The following TTC21B variants were observed in gnomAD, a reference collection of about 807,000 sequenced individuals.
TTC21B encodes the protein tetratricopeptide repeat domain 21B.
A neutral mutation model predicts 175.1 loss-of-function variants in TTC21B; 127 were observed. The observed-to-expected ratio is 0.73, with a 90% CI of 0.63 to 0.84. The LOEUF (loss-of-function observed/expected upper bound fraction) is 0.84. TTC21B is among the 40% of genes least tolerant of loss of function. The probability of loss-of-function intolerance (pLI) is 0.00; values close to 1 mark genes in which losing one functional copy is unlikely to be tolerated. For synonymous variants in TTC21B, 524 were observed against 524.5 expected, an observed-to-expected ratio of 1.00 and a Z score of 0.01; for missense variants, 1,561 against 1,558.3, an observed-to-expected ratio of 1.00 and a Z score of -0.03.
At chr2:165,943,680 T>C (rs947702051) in intron 4 of TTC21B, among the ~76,000 whole-genome samples, 9 of 152,186 alleles carry the variant, frequency 5.9e-5, no homozygotes, top group East Asian at 1.9e-4. Flanking sequence ...ATTCAATATA[T>C]AGATGAGAAT....
At chr2:165,880,328 T>A (rs1185512576) in intron 27 of TTC21B, among the ~76,000 whole-genome samples, 1 of 152,202 alleles carries the variant, frequency 6.6e-6, no homozygotes, top group East Asian at 1.9e-4. Context: ...AAGAAACCTG[T>A]GTAATTCAAT....
chr2:165,916,100 T>C (rs145363131), intron 14 of TTC21B, among the ~76,000 whole-genome samples: 124 of 152,242 alleles, frequency 8.1e-4, no homozygotes, highest in South Asian at 2.7e-3. Context: ...CTGCATAACA[T>C]AGGGAGACCC....
intron 21 of TTC21B, 139 bp from the exon 22 acceptor site, chr2:165,898,906 AG>A (rs1347963077): frequency 1.5e-6 from 1 of 682,060 alleles, no homozygotes; most frequent in Non-Finnish European, 2.7e-6. Flanking sequence ...GAGGCATTTA[AG>A]ATTCAAGCCC....
At position 165,929,124 on chromosome 2, in the gene TTC21B, T is replaced by C. The variant is rs1686787119; in HGVS notation, c.1386+11A>G. The C allele has an allele frequency of 1.9e-6, 3 of 1,609,972 alleles. No homozygotes were observed. The highest frequency in any genetic ancestry group is 2.5e-6 in the Non-Finnish European group (3 of 1,176,732). On this transcript the variant is annotated intron_variant, in intron 11 of 28. Transcript: ENST00000243344. Reference sequence around the variant, plus strand: ...AACGCATCCTTGAAAGTAAGTCCCATAATTACTTACCTGCATTGGACAGAA... The same window carrying C: ...AACGCATCCTTGAAAGTAAGTCCCACAATTACTTACCTGCATTGGACAGAA...
At chr2:165,903,850 C>T (rs1685644642) in intron 19 of TTC21B, among the ~76,000 whole-genome samples, 1 of 152,174 alleles carries the variant, frequency 6.6e-6, no homozygotes, top group African/African-American at 2.4e-5. Context: ...AAAACTTTGA[C>T]TCCACTTATA....
At chr2:165,917,230 G>C (rs777053439) in intron 14 of TTC21B, 27 bp downstream of exon 14, 1 of 1,587,762 alleles carries the variant, frequency 6.3e-7, no homozygotes, top group South Asian at 1.1e-5. Flanking sequence ...GTTCACATCC[G>C]AGCCCTTAAA....
At position 165,874,646 on chromosome 2, in the gene TTC21B, T is replaced by A. The variant is rs1233345991; in HGVS notation, c.*109A>T. On this transcript the variant is annotated 3_prime_UTR_variant, in exon 29 of 29. Coordinates refer to ENST00000243344, the MANE Select transcript of TTC21B (RefSeq NM_024753.5). ...GCAACCTCTGCTGGAGAAAAAAGGGTATACTTCTAATAACAAAGCACTGAG... is the reference window on the plus strand; with the variant it reads ...GCAACCTCTGCTGGAGAAAAAAGGGAATACTTCTAATAACAAAGCACTGAG... 4.2e-6 allele frequency: 4 copies of A among 950,038 alleles called. No individual in the cohort carries two copies. Among genetic ancestry groups the A allele is most frequent in the African/African-American group, 3.3e-5 (2 of 61,310 alleles). 58.9% of individuals were successfully genotyped at this position (950,038 alleles called of 1,614,324 possible). A position where few individuals can be genotyped will look rare whatever the true frequency, so the allele number is the denominator to read the frequency against.
At chr2:165,926,693 G>C (rs1686642272) in intron 11 of TTC21B, among the ~76,000 whole-genome samples, 1 of 152,038 alleles carries the variant, frequency 6.6e-6, no homozygotes, top group Non-Finnish European at 1.5e-5. Context: ...GAGAAAGGCA[G>C]ACCCACCCTT....
intron 23 of TTC21B, 62 bp from the exon 24 acceptor site, chr2:165,890,702 T>C: frequency 6.4e-7 from 1 of 1,570,852 alleles, no homozygotes; most frequent in Non-Finnish European, 8.7e-7. Flanking sequence ...TATATTAGTT[T>C]ATAATCTGTC....
At chr2:165,915,156 G>T in intron 15 of TTC21B, 45 bp downstream of exon 15, 3 of 1,503,786 alleles carry the variant, frequency 2.0e-6, no homozygotes, top group South Asian at 1.1e-5. Context: ...ATTAATACTA[G>T]TGGCTAAATG....
rs780273727 is a variant in TTC21B, at chr2:165,890,886, C to T, written c.3053G>A (p.Arg1018Lys). The change falls in exon 23 of 29, where the codon AGA (arginine) becomes AAA (lysine). Residue 1018 changes from arginine (R) to lysine (K), a missense_variant. By Grantham distance (26) the Arg-to-Lys change is conservative (BLOSUM62 2). Coordinates refer to ENST00000243344, the MANE Select transcript of TTC21B (RefSeq NM_024753.5). ...CTGAAATCCTGGTTCCAATTTTGCT[C>T]TGGAGTTACGTTTCTCAGCCATTGA... is the stretch of plus-strand genomic sequence containing the variant. ...FFSMAEKRNS[R>K]AKLEPGFQYC... 6.2e-6 allele frequency: 10 copies of T among 1,613,226 alleles called. No homozygotes were observed. Among genetic ancestry groups the T allele is most frequent in the Non-Finnish European group, 8.5e-6 (10 of 1,179,628 alleles).
chr2:165,880,085 G>C (rs142864574), intron 27 of TTC21B: 3 of 153,706 alleles, frequency 2.0e-5, no homozygotes, highest in African/African-American at 7.2e-5. Context: ...GAGCTCCCTC[G>C]TATGAGGAGA....
chr2:165,927,739 CT>C (rs757710291), intron 11 of TTC21B, among the ~76,000 whole-genome samples: 1 of 151,778 alleles, frequency 6.6e-6, no homozygotes, highest in Non-Finnish European at 1.5e-5. Flanking sequence ...AGGTCAACCC[CT>C]GGTACAATTC....
chr2:165,952,373 T>G (rs1326812526), intron 1 of TTC21B, among the ~76,000 whole-genome samples: 3 of 151,728 alleles, frequency 2.0e-5, no homozygotes, highest in African/African-American at 7.3e-5. Flanking sequence ...ACAAGCCAAT[T>G]AGATGTGATA....
chr2:165,912,606 C>G lies in TTC21B; in HGVS notation c.2230G>C (p.Ala744Pro), dbSNP rs150783918. The G allele has an allele frequency of 8.7e-6, 14 of 1,613,846 alleles. No individual in the cohort carries two copies. The African/African-American group carries it at 1.6e-4, about 18-fold the overall frequency. The change falls in exon 17 of 29, where the codon GCA becomes CCA. Residue 744 changes from alanine to proline, a missense_variant. Transcript: ENST00000243344. ...NILEPEEAIV[A>P]YEQALNQNPK... ...TTCTGATTTAATGCTTGCTCATATGCTACTATGGCTTCTTCAGGCTAATAT... is the reference window on the plus strand; with the variant it reads ...TTCTGATTTAATGCTTGCTCATATGGTACTATGGCTTCTTCAGGCTAATAT...
intron 6 of TTC21B, among the ~76,000 whole-genome samples, chr2:165,936,351 A>G (rs1559070905): frequency 6.6e-6 from 1 of 152,158 alleles, no homozygotes; most frequent in Non-Finnish European, 1.5e-5. Flanking sequence ...ATAAAACTAT[A>G]AAATTCCTAG....
rs184547667 is a variant in TTC21B, at chr2:165,915,790, C to A, written c.1900-351G>T. 4.6e-5 allele frequency among the ~76,000 whole-genome samples: 7 copies of A among 152,290 alleles called. No individual in the cohort carries two copies. The East Asian group carries it at 1.2e-3, about 25-fold the overall frequency. ...TCATTAAGTGGCAGATTATTCCCTC[C>A]ACCAGAACACTGTTGTTACACTTTG... On this transcript the variant is annotated intron_variant, in intron 14 of 28. Coordinates refer to ENST00000243344, the MANE Select transcript of TTC21B (RefSeq NM_024753.5).
chr2:165,883,487 A>G (rs1684900912), intron 26 of TTC21B, among the ~76,000 whole-genome samples: 1 of 152,212 alleles, frequency 6.6e-6, no homozygotes, highest in African/African-American at 2.4e-5. Context: ...TGCAATTTTC[A>G]TTAGTTCTGG....
At chr2:165,947,193 T>TATATATA (rs61351063) in intron 3 of TTC21B, 12 of 134,722 alleles carry the variant, frequency 8.9e-5, no homozygotes, top group African/African-American at 1.2e-4. Flanking sequence ...TATATATATA[T>TATATATA]TAGTATCTGC....
Sources: gnomAD v4.1 joint callset for allele counts (sites outside exome capture counted in the v4.1 genomes callset) on GRCh38, gnomAD v4.1.1 for gene constraint, MANE v1.5 for transcripts, NCBI Gene and HGNC (gene_info 2026-07-23, HGNC 2026-07-21) for gene names.